Variants in USO1 observed in about 807,000 individuals in gnomAD.
USO1 encodes the protein USO1 vesicle transport factor.
A neutral mutation model predicts 124.5 loss-of-function variants in USO1; 57 were observed. That is an observed-to-expected ratio of 0.46 (90% CI 0.37 to 0.57). USO1 has a LOEUF of 0.57. Among genes scored for constraint, USO1 ranks in the 20% least tolerant of loss-of-function variants. The pLI is 0.00. For synonymous variants in USO1, 369 were observed against 362.8 expected (o/e 1.02, Z -0.19); for missense variants, 900 against 1,040.6 (o/e 0.86, Z 1.86).
At chr4:75,770,205 CT>C in intron 4 of USO1, 6 of 276,838 alleles carry the variant, frequency 2.2e-5, no homozygotes, top group Non-Finnish European at 2.6e-5. Context: ...TTTAAGTATC[CT>C]TTTTTTAGAT....
At chr4:75,787,973 A>G (rs1425721137) in intron 10 of USO1, among the ~76,000 whole-genome samples, 1 of 151,872 alleles carries the variant, frequency 6.6e-6, no homozygotes, top group Non-Finnish European at 1.5e-5. Context: ...CTTAATAATC[A>G]TATACTTAAC....
intron 3 of USO1, among the ~76,000 whole-genome samples, chr4:75,753,300 G>A (rs1414834425): frequency 2.6e-5 from 4 of 151,988 alleles, no homozygotes; most frequent in Admixed American, 6.6e-5. Context: ...TTGGGAAGCC[G>A]AGGCAGGTGG....
rs573895696 is a variant in USO1 at position 75,813,428 on chromosome 4, A to G, written c.*133A>G. 3.1e-5 allele frequency: 31 copies of G among 995,272 alleles called. No individual in the cohort carries two copies. In the South Asian group the frequency reaches 1.0e-3, roughly 33 times the overall value. 61.7% of individuals were successfully genotyped at this position (995,272 alleles called of 1,614,324 possible). A position where few individuals can be genotyped will look rare whatever the true frequency, so the allele number is the denominator to read the frequency against. ...CATTCACTATTAAGACTATTGATAT[A>G]TTTTTGTAATGTTGCCACCCATGTT... On this transcript the variant is annotated 3_prime_UTR_variant, in exon 24 of 24. Coordinates refer to ENST00000514213, the MANE Select transcript of USO1 (RefSeq NM_003715.4).
At chr4:75,765,373 G>A (rs116271074) in intron 4 of USO1, among the ~76,000 whole-genome samples, 3 of 152,070 alleles carry the variant, frequency 2.0e-5, no homozygotes, top group Admixed American at 6.6e-5. Context: ...TTAGGGTTCT[G>A]GGGTGGCTTA....
intron 1 of USO1, among the ~76,000 whole-genome samples, chr4:75,742,365 T>C (rs1720988605): frequency 6.6e-6 from 1 of 152,200 alleles, no homozygotes; most frequent in Non-Finnish European, 1.5e-5. Context: ...TCCATTATCA[T>C]CATATGGGAC....
Position 75,787,186 on chromosome 4 carries a change from C to T in USO1, c.980C>T (p.Ala327Val). ...ATCCTAATGGCTACTGGGGTTCCTG[C>T]TGATATCCTGACTGAGGTAAAGCAA... ...CTILMATGVP[A>V]DILTETINTV... The change falls in exon 10 of 24, where the codon GCT becomes GTT. Residue 327 changes from alanine to valine, a missense_variant. By Grantham distance (64) the Ala-to-Val change is moderately conservative (BLOSUM62 0). This residue lies in a region of USO1 where 538 missense variants were observed against 681.6 expected (regional missense o/e 0.79). Coordinates refer to ENST00000514213, the MANE Select transcript of USO1 (RefSeq NM_003715.4). The T allele has an allele frequency of 6.5e-7, 1 of 1,546,496 alleles. No individual in the cohort carries two copies. Among genetic ancestry groups the T allele is most frequent in the Non-Finnish European group, 8.7e-7 (1 of 1,149,660 alleles).
chr4:75,748,690 A>G (rs1309941416), intron 1 of USO1, among the ~76,000 whole-genome samples: 1 of 152,164 alleles, frequency 6.6e-6, no homozygotes, highest in Non-Finnish European at 1.5e-5. Context: ...CTCAAGGTAG[A>G]TAAGAATCCC....
chr4:75,779,322 C>G (rs1215427787), intron 8 of USO1, among the ~76,000 whole-genome samples: 2 of 152,166 alleles, frequency 1.3e-5, no homozygotes, highest in Non-Finnish European at 2.9e-5. Flanking sequence ...TTGTATATCT[C>G]TCACTTTTAA....
chr4:75,735,088 T>C (rs978765001), intron 1 of USO1, among the ~76,000 whole-genome samples: 1 of 152,168 alleles, frequency 6.6e-6, no homozygotes, highest in Admixed American at 6.6e-5. Context: ...CAGTGGTTTG[T>C]ATCACCTATT....
At chr4:75,809,157 T>TATTC in intron 21 of USO1, 106 bp downstream of exon 21, 7 of 120,710 alleles carry the variant, frequency 5.8e-5, no homozygotes, top group Non-Finnish European at 6.6e-5. Context: ...GCACCTTCTC[T>TATTC]TTAGATTACT....
intron 1 of USO1, 57 bp downstream of exon 1, chr4:75,724,942 G>C (rs779013796): frequency 1.9e-6 from 3 of 1,589,980 alleles, no homozygotes; most frequent in Non-Finnish European, 2.6e-6. Context: ...GACGGGGACG[G>C]AGCACTCGGA....
intron 13 of USO1, among the ~76,000 whole-genome samples, chr4:75,799,005 G>T (rs1230845369): frequency 6.6e-6 from 1 of 151,988 alleles, no homozygotes; most frequent in Admixed American, 6.6e-5. Flanking sequence ...AGCTGTTAAT[G>T]GTTTGGGGGC....
Position 75,787,164 on chromosome 4 carries a change from C to G in USO1, c.958C>G (p.Leu320Val). ...CGLLQQLCTILMATGVPADIL... is the reference protein window; with the variant it reads ...CGLLQQLCTIVMATGVPADIL... Reference sequence around the variant, plus strand: ...GTTATTGCAGCAGCTTTGTACTATCCTAATGGCTACTGGGGTTCCTGCTGA... The same window carrying G: ...GTTATTGCAGCAGCTTTGTACTATCGTAATGGCTACTGGGGTTCCTGCTGA... Residue 320 changes from leucine to valine, a missense_variant, in exon 10 of 24, where the codon CTA becomes GTA. Coordinates refer to ENST00000514213, the MANE Select transcript of USO1 (RefSeq NM_003715.4). The G allele has an allele frequency of 6.3e-7, 1 of 1,584,900 alleles. No individual in the cohort carries two copies. The highest frequency in any genetic ancestry group is 8.6e-7 in the Non-Finnish European group (1 of 1,167,270).
intron 21 of USO1, among the ~76,000 whole-genome samples, chr4:75,809,574 G>A (rs1419713111): frequency 2.0e-5 from 3 of 152,108 alleles, no homozygotes; most frequent in African/African-American, 7.2e-5. Flanking sequence ...TACAAGTTCT[G>A]CTGTCCACAA....
intron 1 of USO1, among the ~76,000 whole-genome samples, chr4:75,735,245 T>C (rs1449378376): frequency 6.6e-6 from 1 of 152,166 alleles, no homozygotes; most frequent in Non-Finnish European, 1.5e-5. Context: ...GCTTGAACGT[T>C]ATTGATGTAT....
chr4:75,731,333 G>A (rs1403461564), intron 1 of USO1, among the ~76,000 whole-genome samples: 1 of 152,086 alleles, frequency 6.6e-6, no homozygotes, highest in African/African-American at 2.4e-5. Flanking sequence ...AGGCTGAGGC[G>A]GGTGGATCAC....
chr4:75,730,015 A>G (rs1280004061), intron 1 of USO1: 3 of 314,934 alleles, frequency 9.5e-6, no homozygotes, highest in South Asian at 7.5e-5. Flanking sequence ...TGTATTCTAC[A>G]TTAATAACCA....
rs778485810 is a variant in USO1, at chr4:75,810,472, T to C, written c.2516T>C (p.Ile839Thr). 8.7e-6 allele frequency: 14 copies of C among 1,613,100 alleles called. No individual in the cohort carries two copies. In the Middle Eastern group the frequency reaches 8.3e-4, roughly 95 times the overall value. ...GTACAAGGAGAGACCGAGACTATAATAGCCACCAAAACTACTGATGTAGAA... is the reference window on the plus strand; with the variant it reads ...GTACAAGGAGAGACCGAGACTATAACAGCCACCAAAACTACTGATGTAGAA... ...VEVQGETETI[I>T]ATKTTDVEGR... Residue 839 changes from isoleucine to threonine, a missense_variant, in exon 22 of 24, where the codon ATA becomes ACA. Physicochemically the swap from Ile to Thr is moderately conservative, Grantham distance 89. Around this residue, in one of 2 missense-constraint regions of USO1, gnomAD observed 362 missense variants for 359.0 expected, o/e 1.01. Transcript: ENST00000514213.
intron 7 of USO1, among the ~76,000 whole-genome samples, chr4:75,773,105 AAATAAT>A (rs1186740603): frequency 2.0e-5 from 3 of 152,168 alleles, no homozygotes; most frequent in Non-Finnish European, 2.9e-5. Context: ...TCTCAAAAAA[AAATAAT>A]AATAATAACT....
Sources: allele counts gnomAD v4.1 joint callset (sites outside exome capture counted in the v4.1 genomes callset), GRCh38; gene constraint gnomAD v4.1.1; regional missense constraint gnomAD v4.1.1; transcripts MANE v1.5; gene names NCBI Gene and HGNC (gene_info 2026-07-23, HGNC 2026-07-21).